Variants in ADCY2 observed in about 807,000 individuals in gnomAD.
ADCY2 encodes adenylate cyclase 2.
A neutral mutation model predicts 125.2 loss-of-function variants in ADCY2; 31 were observed. That is an observed-to-expected ratio of 0.25 (90% CI 0.19 to 0.33). The LOEUF (loss-of-function observed/expected upper bound fraction) is 0.33. Ranked by LOEUF, ADCY2 falls within the 10% of genes least tolerant of loss-of-function variation. ADCY2 has a pLI of 1.00. For missense variants in ADCY2, 904 were observed against 1,418.2 expected, an observed-to-expected ratio of 0.64 and a Z score of 5.82; for synonymous variants, 512 against 548.4, an observed-to-expected ratio of 0.93 and a Z score of 0.93.
At chr5:7,480,437 T>C (rs147690090) in intron 2 of ADCY2, among the ~76,000 whole-genome samples, 2,038 of 152,172 alleles carry the variant, frequency 0.013, 45 homozygotes, top group African/African-American at 0.047. Flanking sequence ...AAGAATGAGA[T>C]CATGTCCTTT....
chr5:7,694,667 C>T (rs1259654533), intron 5 of ADCY2, among the ~76,000 whole-genome samples: 1 of 152,180 alleles, frequency 6.6e-6, no homozygotes, highest in Non-Finnish European at 1.5e-5. Context: ...TTTGTTTATT[C>T]ATCCATCTGT....
intron 4 of ADCY2, among the ~76,000 whole-genome samples, chr5:7,646,164 T>C (rs1464487630): frequency 1.3e-5 from 2 of 152,084 alleles, no homozygotes; most frequent in Non-Finnish European, 2.9e-5. Context: ...TAAAACTTGA[T>C]TAAGACTAAA....
chr5:7,758,998 G>A (rs1184253624), intron 16 of ADCY2, among the ~76,000 whole-genome samples: 1 of 152,208 alleles, frequency 6.6e-6, no homozygotes, highest in Non-Finnish European at 1.5e-5. Context: ...ATTCAGGTGA[G>A]GGTGATGCCA....
At chr5:7,468,635 G>A (rs1186463018) in intron 2 of ADCY2, among the ~76,000 whole-genome samples, 1 of 152,104 alleles carries the variant, frequency 6.6e-6, no homozygotes, top group Non-Finnish European at 1.5e-5. Flanking sequence ...GTGGGTGGGT[G>A]GGAAATTATT....
At chr5:7,477,232 A>G (rs1228322336) in intron 2 of ADCY2, among the ~76,000 whole-genome samples, 1 of 152,224 alleles carries the variant, frequency 6.6e-6, no homozygotes, top group African/African-American at 2.4e-5. Context: ...TAAAAGAGCC[A>G]GGCTAAATCA....
intron 17 of ADCY2, among the ~76,000 whole-genome samples, chr5:7,768,897 C>G (rs952709643): frequency 6.6e-6 from 1 of 152,194 alleles, no homozygotes; most frequent in Non-Finnish European, 1.5e-5. Context: ...TGTGAACTCA[C>G]GGGTTTAGCA....
chr5:7,479,734 G>A (rs554574151), intron 2 of ADCY2, among the ~76,000 whole-genome samples: 105 of 151,854 alleles, frequency 6.9e-4, no homozygotes, highest in African/African-American at 2.2e-3. Context: ...CCAGTGTCCC[G>A]TAAATCCCCC....
intron 2 of ADCY2, among the ~76,000 whole-genome samples, chr5:7,432,233 A>G (rs1288991886): frequency 6.6e-6 from 1 of 151,850 alleles, no homozygotes; most frequent in African/African-American, 2.4e-5. Flanking sequence ...CATTGGCAAT[A>G]AAATCTCCTT....
At position 7,637,381 on chromosome 5, in the gene ADCY2, G is replaced by A. The variant is rs147875829; in HGVS notation, c.720+11065G>A. ...GGAGGCGGAGGTTGCAGTGAGCCGA[G>A]ATATCACAACACTGCACTACAGCCT... On this transcript the variant is annotated intron_variant, in intron 4 of 24. Transcript: ENST00000338316. Among the ~76,000 whole-genome samples the A allele has an allele frequency of 7.2e-3, 941 of 131,028 alleles. 11 individuals carry two copies. Among genetic ancestry groups the A allele is most frequent in the Middle Eastern group, 0.053 (10 of 190 alleles). The allele number at this position is 131,028 out of a possible 152,430, so 86.0% of individuals were successfully genotyped here. A position where few individuals can be genotyped will look rare whatever the true frequency, so the allele number is the denominator to read the frequency against.
intron 4 of ADCY2, among the ~76,000 whole-genome samples, chr5:7,684,719 G>A (rs6894073): frequency 0.39 from 59,031 of 150,952 alleles, 13,193 homozygotes; most frequent in East Asian, 0.83. Flanking sequence ...GTCTCAACTC[G>A]CAGGTGACGA....
Position 7,804,790 on chromosome 5 carries a change from A to G in ADCY2, c.2883+98A>G, listed in dbSNP as rs999929937. On this transcript the variant is annotated intron_variant, in intron 22 of 24. Coordinates refer to ENST00000338316, the MANE Select transcript of ADCY2 (RefSeq NM_020546.3). Reference sequence around the variant, plus strand: ...AGCCATGAAATGCCCCAAGAACTGTATATTTTGTACAACCTAAAGCTCAGG... The same window carrying G: ...AGCCATGAAATGCCCCAAGAACTGTGTATTTTGTACAACCTAAAGCTCAGG... 19 of 852,818 alleles carry G rather than the reference A, an allele frequency of 2.2e-5. No homozygotes were observed. In the Admixed American group the frequency reaches 2.8e-4, roughly 13 times the overall value. 52.8% of individuals were successfully genotyped at this position (852,818 alleles called of 1,614,324 possible). A position where few individuals can be genotyped will look rare whatever the true frequency, so the allele number is the denominator to read the frequency against.
chr5:7,572,665 C>T (rs1383287049), intron 3 of ADCY2, among the ~76,000 whole-genome samples: 4 of 152,024 alleles, frequency 2.6e-5, no homozygotes, highest in Non-Finnish European at 5.9e-5. Context: ...TTTTTGCTTT[C>T]GTTGCAATTA....
intron 7 of ADCY2, among the ~76,000 whole-genome samples, chr5:7,705,228 G>T (rs960458753): frequency 6.6e-6 from 1 of 152,214 alleles, no homozygotes; most frequent in African/African-American, 2.4e-5. Flanking sequence ...TGATCCATTA[G>T]TAAACTTGTG....
chr5:7,568,382 C>A (rs1295072518), intron 3 of ADCY2, among the ~76,000 whole-genome samples: 1 of 152,118 alleles, frequency 6.6e-6, no homozygotes, highest in African/African-American at 2.4e-5. Context: ...GTTGAAGAAG[C>A]ATATGGTATT....
rs534502166 is a variant in ADCY2 at position 7,786,028 on chromosome 5, T to C, written c.2469+1579T>C. Reference sequence around the variant, plus strand: ...CACAATTGGGTTGATACCAGTCTCATAGGGAGTCATTCCATTTTTGTCTTT... The same window carrying C: ...CACAATTGGGTTGATACCAGTCTCACAGGGAGTCATTCCATTTTTGTCTTT... On this transcript the variant is annotated intron_variant, in intron 19 of 24. Coordinates refer to ENST00000338316, the MANE Select transcript of ADCY2 (RefSeq NM_020546.3). Among the ~76,000 whole-genome samples, 294 of 152,338 alleles carry C rather than the reference T, an allele frequency of 1.9e-3. 3 individuals are homozygous for C. The highest frequency in any genetic ancestry group is 6.9e-3 in the African/African-American group (287 of 41,574).
intron 1 of ADCY2, among the ~76,000 whole-genome samples, chr5:7,414,324 T>C (rs569957828): frequency 4.6e-5 from 7 of 152,350 alleles, no homozygotes; most frequent in African/African-American, 1.7e-4. Flanking sequence ...TCAGGGAAGA[T>C]GTAACTTTGA....
At chr5:7,500,678 A>G (rs1743527943) in intron 2 of ADCY2, among the ~76,000 whole-genome samples, 1 of 152,222 alleles carries the variant, frequency 6.6e-6, no homozygotes, top group African/African-American at 2.4e-5. Flanking sequence ...AAATGAGGAA[A>G]GCCTGGGAAA....
chr5:7,794,329 A>T (rs1011786164), intron 20 of ADCY2: 1 of 152,174 alleles, frequency 6.6e-6, no homozygotes, highest in Admixed American at 6.5e-5. Flanking sequence ...CTTGGGGACT[A>T]AACTATTAAA....
At chr5:7,461,641 C>T (rs1471511345) in intron 2 of ADCY2, among the ~76,000 whole-genome samples, 1 of 152,182 alleles carries the variant, frequency 6.6e-6, no homozygotes, top group Non-Finnish European at 1.5e-5. Flanking sequence ...TTGAGCCACT[C>T]TTTTGTATGG....
Sources: gnomAD v4.1 joint callset for allele counts (sites outside exome capture counted in the v4.1 genomes callset) on GRCh38, gnomAD v4.1.1 for gene constraint, MANE v1.5 for transcripts, NCBI Gene and HGNC (gene_info 2026-07-23, HGNC 2026-07-21) for gene names.